PDLIM5: variants seen among roughly 807,000 people sequenced by gnomAD.
PDLIM5 encodes the protein PDZ and LIM domain protein 5.
Under a neutral mutation model 64.2 loss-of-function variants are expected in PDLIM5, and 34 were observed. The observed-to-expected ratio is 0.53, with a 90% CI of 0.40 to 0.71. PDLIM5 has a LOEUF of 0.71. PDLIM5 is among the 30% of genes least tolerant of loss of function. The pLI is 0.00. For missense variants in PDLIM5, 683 were observed against 733.6 expected, an observed-to-expected ratio of 0.93 and a Z score of 0.80; for synonymous variants, 253 against 269.1, an observed-to-expected ratio of 0.94 and a Z score of 0.59.
At chr4:94,616,562 T>C (rs548899941) in intron 7 of PDLIM5, among the ~76,000 whole-genome samples, 62 of 152,242 alleles carry the variant, frequency 4.1e-4, no homozygotes, top group Non-Finnish European at 7.3e-4. Flanking sequence ...ATTCCATTAA[T>C]GCTTTTTGTT....
rs542223866 is a variant in PDLIM5, at chr4:94,610,346, G to A, written c.921-7658G>A. ...AGCGTCTGTCTGATGTGATCTCAGCGCTCTTCACTGTCTTACAAGTCACCT... is the reference window on the plus strand; with the variant it reads ...AGCGTCTGTCTGATGTGATCTCAGCACTCTTCACTGTCTTACAAGTCACCT... On this transcript the variant is annotated intron_variant, in intron 7 of 12. Transcript: ENST00000317968. The A allele has an allele frequency of 2.7e-4, 357 of 1,327,972 alleles. 4 individuals are homozygous for A. In the South Asian group the frequency reaches 3.6e-3, roughly 14 times the overall value. The allele number at this position is 1,327,972 out of a possible 1,614,324, so 82.3% of individuals were successfully genotyped here.
chr4:94,637,312 G>A (rs888750659), intron 8 of PDLIM5, among the ~76,000 whole-genome samples: 1 of 152,170 alleles, frequency 6.6e-6, no homozygotes, highest in African/African-American at 2.4e-5. Context: ...TGTGGTCCCA[G>A]CACTTTGGGA....
intron 9 of PDLIM5, among the ~76,000 whole-genome samples, chr4:94,647,196 A>G (rs1327324906): frequency 6.6e-6 from 1 of 152,184 alleles, no homozygotes; most frequent in Non-Finnish European, 1.5e-5. Flanking sequence ...CACTCCAGCT[A>G]AAAGAGAGAG....
intron 3 of PDLIM5, among the ~76,000 whole-genome samples, chr4:94,564,656 C>CTCTTTTT (rs1553959063): frequency 1.9e-5 from 2 of 104,506 alleles, no homozygotes; most frequent in African/African-American, 8.7e-5. Flanking sequence ...AATTTTGTCT[C>CTCTTTTT]TTTTTTTTTT....
At chr4:94,560,403 A>G (rs1438424201) in intron 3 of PDLIM5, among the ~76,000 whole-genome samples, 1 of 152,128 alleles carries the variant, frequency 6.6e-6, no homozygotes, top group Non-Finnish European at 1.5e-5. Flanking sequence ...TTCATTTCTC[A>G]TTATTCCCAT....
At chr4:94,455,853 G>T in intron 2 of PDLIM5, 1 of 1,398,992 alleles carries the variant, frequency 7.1e-7, no homozygotes. Flanking sequence ...CCAACAGTAA[G>T]ATGGCCAAAA....
rs1439949078 is a variant in PDLIM5 at position 94,664,624 on chromosome 4, C to G, written c.*557C>G. 2.3e-6 allele frequency: 1 copy of G among 436,778 alleles called. No homozygotes were observed. The highest frequency in any genetic ancestry group is 3.0e-6 in the Non-Finnish European group (1 of 329,016). 27.1% of individuals were successfully genotyped at this position (436,778 alleles called of 1,614,324 possible). ...GTGGCTCACGCCTGTAATCCCAGCA[C>G]TTTGGGAGGCCAAGGTGGGTGGACC... On this transcript the variant is annotated 3_prime_UTR_variant, in exon 13 of 13. Coordinates refer to ENST00000317968, the MANE Select transcript of PDLIM5 (RefSeq NM_006457.5).
At chr4:94,532,068 A>G (rs1303511040) in intron 3 of PDLIM5, among the ~76,000 whole-genome samples, 2 of 152,018 alleles carry the variant, frequency 1.3e-5, no homozygotes, top group Admixed American at 6.6e-5. Context: ...TTATAACCCT[A>G]TTGACTATAT....
chr4:94,636,647 T>G (rs1740594694), intron 8 of PDLIM5, among the ~76,000 whole-genome samples: 1 of 150,546 alleles, frequency 6.6e-6, no homozygotes, highest in Admixed American at 6.6e-5. Flanking sequence ...CACGCCATTC[T>G]CCTGCCGCAG....
chr4:94,614,336 A>G (rs183577283), intron 7 of PDLIM5, among the ~76,000 whole-genome samples: 2 of 151,946 alleles, frequency 1.3e-5, no homozygotes, highest in Admixed American at 1.3e-4. Context: ...GCTGGTCTTG[A>G]ACTCCTGGGC....
chr4:94,607,966 T>C, intron 7 of PDLIM5: 2 of 808,008 alleles, frequency 2.5e-6, no homozygotes, highest in Non-Finnish European at 3.6e-6. Flanking sequence ...ATTGAACTAG[T>C]AGACATTTAA....
intron 3 of PDLIM5, among the ~76,000 whole-genome samples, chr4:94,532,282 A>G (rs2110159147): frequency 6.6e-6 from 1 of 152,320 alleles, no homozygotes; most frequent in East Asian, 1.9e-4. Flanking sequence ...ATGAGACTGA[A>G]TGAAGGGACG....
intron 2 of PDLIM5, among the ~76,000 whole-genome samples, chr4:94,488,144 T>C (rs927202089): frequency 6.6e-6 from 1 of 152,232 alleles, no homozygotes; most frequent in Non-Finnish European, 1.5e-5. Context: ...ACTGATGCAG[T>C]CCAGCTTGCT....
At chr4:94,614,870 A>G (rs1050923458) in intron 7 of PDLIM5, among the ~76,000 whole-genome samples, 7 of 152,236 alleles carry the variant, frequency 4.6e-5, no homozygotes, top group African/African-American at 1.7e-4. Flanking sequence ...TGAGGAAGCA[A>G]GATTTTGTCT....
At chr4:94,508,131 C>T (rs1469331620) in intron 2 of PDLIM5, among the ~76,000 whole-genome samples, 7 of 127,498 alleles carry the variant, frequency 5.5e-5, no homozygotes, top group African/African-American at 1.7e-4. Flanking sequence ...GAGGCACTGA[C>T]ATAAGAACAT....
chr4:94,634,511 G>A (rs1277416108), intron 8 of PDLIM5, among the ~76,000 whole-genome samples: 1 of 149,354 alleles, frequency 6.7e-6, no homozygotes, highest in Non-Finnish European at 1.5e-5. Context: ...ATTCCCAGCT[G>A]ACTTAAGTTT....
At chr4:94,592,976 C>T (rs906754193) in intron 7 of PDLIM5, among the ~76,000 whole-genome samples, 5 of 152,130 alleles carry the variant, frequency 3.3e-5, no homozygotes, top group African/African-American at 4.8e-5. Context: ...TCCACTGCCC[C>T]ACCCCACAGT....
intron 8 of PDLIM5, among the ~76,000 whole-genome samples, chr4:94,626,914 G>A (rs1054527950): frequency 6.6e-6 from 1 of 151,972 alleles, no homozygotes; most frequent in Non-Finnish European, 1.5e-5. Context: ...TGAAGTCTAA[G>A]GGAGATAGGG....
At chr4:94,624,568 A>G (rs1392748164) in intron 8 of PDLIM5, among the ~76,000 whole-genome samples, 3 of 152,212 alleles carry the variant, frequency 2.0e-5, no homozygotes, top group African/African-American at 4.8e-5. Context: ...TGAGGATACA[A>G]TCTTGAGGTA....
Sources: allele counts gnomAD v4.1 joint callset (sites outside exome capture counted in the v4.1 genomes callset), GRCh38; gene constraint gnomAD v4.1.1; transcripts MANE v1.5; gene names NCBI Gene and HGNC (gene_info 2026-07-23, HGNC 2026-07-21).